ANKRD26: variants seen among roughly 807,000 people sequenced by gnomAD.
ANKRD26 encodes the protein ankyrin repeat domain 26.
In ANKRD26, 141 loss-of-function variants were observed where a neutral mutation model predicts 208.7. That is an observed-to-expected ratio of 0.68 (90% CI 0.59 to 0.78). The LOEUF is 0.78. ANKRD26 is among the 30% of genes least tolerant of loss of function. ANKRD26 has a pLI of 0.00. For missense variants in ANKRD26, 1,889 were observed against 1,938.7 expected (o/e 0.97, Z 0.48); for synonymous variants, 636 against 660.4 (o/e 0.96, Z 0.57).
chr10:27,011,494 C>A (rs756407338), intron 32 of ANKRD26, among the ~76,000 whole-genome samples: 37 of 149,194 alleles, frequency 2.5e-4, no homozygotes, highest in Non-Finnish European at 5.1e-4. Flanking sequence ...TAAACTGGAT[C>A]AAGCATAGTT....
intron 17 of ANKRD26, among the ~76,000 whole-genome samples, 169 bp from the exon 18 acceptor site, chr10:27,046,692 T>A (rs1041712735): frequency 3.9e-5 from 6 of 152,084 alleles, no homozygotes; most frequent in Non-Finnish European, 8.8e-5. Context: ...ATTCCAACAT[T>A]TCCCCCATCT....
At chr10:27,038,108 C>A in intron 21 of ANKRD26, 54 bp from the exon 22 acceptor site, 1 of 1,461,600 alleles carries the variant, frequency 6.8e-7, no homozygotes, top group African/African-American at 1.4e-5. Context: ...ATAAAAAGTT[C>A]ATTGTGTGAT....
At chr10:26,956,106 T>G in the ANKRD26 span, among the ~76,000 whole-genome samples, 1 of 152,222 alleles carries the variant, frequency 6.6e-6, no homozygotes, top group African/African-American at 2.4e-5. Flanking sequence ...CTTAAAGTGG[T>G]CTTACAAGGA....
chr10:27,082,714 A>G, intron 6 of ANKRD26, 89 bp downstream of exon 6: 1 of 1,482,982 alleles, frequency 6.7e-7, no homozygotes, highest in Non-Finnish European at 9.0e-7. Flanking sequence ...AGAAGCACAT[A>G]ATATGGTGTC....
chr10:26,950,173 T>C, the ANKRD26 span, among the ~76,000 whole-genome samples: 2 of 152,208 alleles, frequency 1.3e-5, no homozygotes, highest in African/African-American at 4.8e-5. Flanking sequence ...GATTGGATCA[T>C]GGGAGCAGTT....
In ANKRD26 at chr10:27,074,310, T is replaced by A. The variant is rs74977835; in HGVS notation, c.1077+3028A>T. On this transcript the variant is annotated intron_variant, in intron 9 of 33. Transcript: ENST00000376087. ...ACAATTCAGGATCTTAATGAAAAAT[T>A]TTCTAAAGAGAAAGATATTTTAAAG... is the stretch of plus-strand genomic sequence containing the variant. Among the ~76,000 whole-genome samples, 365 of 152,262 alleles carry A rather than the reference T, an allele frequency of 2.4e-3. 2 individuals are homozygous for A. Among genetic ancestry groups the A allele is most frequent in the African/African-American group, 8.3e-3 (346 of 41,538 alleles).
chr10:26,976,278 G>A (rs2052225763), intron 5 of ANKRD26, among the ~76,000 whole-genome samples: 1 of 151,920 alleles, frequency 6.6e-6, no homozygotes, highest in African/African-American at 2.4e-5. Context: ...GCAGTGGGGT[G>A]ATCTCGGCTC....
intron 33 of ANKRD26, 147 bp downstream of exon 33, chr10:27,006,770 C>T (rs1440212289): frequency 7.7e-6 from 5 of 649,760 alleles, no homozygotes; most frequent in Non-Finnish European, 1.1e-5. Context: ...CATGTTTTCA[C>T]ATCTTTCATT....
chr10:27,071,830 T>A (rs2135535119), intron 9 of ANKRD26, among the ~76,000 whole-genome samples: 1 of 152,266 alleles, frequency 6.6e-6, no homozygotes, highest in East Asian at 1.9e-4. Flanking sequence ...CCCCCCGCGC[T>A]GGAGCTGACT....
intron 16 of ANKRD26, 62 bp from the exon 17 acceptor site, chr10:27,049,041 T>C (rs1396748886): frequency 2.9e-6 from 4 of 1,363,646 alleles, no homozygotes; most frequent in Non-Finnish European, 4.0e-6. Context: ...ATTTCTTTGT[T>C]TTCATTGAGT....
At chr10:27,096,004 C>A (rs574833874) in intron 1 of ANKRD26, among the ~76,000 whole-genome samples, 5 of 148,366 alleles carry the variant, frequency 3.4e-5, no homozygotes, top group African/African-American at 1.2e-4. Flanking sequence ...AGCTCTCATA[C>A]TTGACCAGAG....
In ANKRD26 at chr10:27,043,792, T is replaced by C. The variant is rs549247436; in HGVS notation, c.2020-225A>G. ...TTCTCTTTTTTTTAATTTCATGTTT[T>C]TGTTTTTGTTTTTTTTTGACATCGG... is the stretch of plus-strand genomic sequence containing the variant. On this transcript the variant is annotated intron_variant, in intron 19 of 33. Coordinates refer to ENST00000376087, the MANE Select transcript of ANKRD26 (RefSeq NM_014915.3). 3.9e-5 allele frequency among the ~76,000 whole-genome samples: 6 copies of C among 152,200 alleles called. No individual in the cohort carries two copies. The East Asian group carries it at 7.7e-4, about 20-fold the overall frequency.
rs750585972 is a variant in ANKRD26 at position 27,060,429 on chromosome 10, T to C, written c.1492-12A>G. The C allele has an allele frequency of 6.2e-7, 1 of 1,605,100 alleles. No homozygotes were observed. Among genetic ancestry groups the C allele is most frequent in the Non-Finnish European group, 8.5e-7 (1 of 1,172,240 alleles). Reference sequence around the variant, plus strand: ...ATTTCAATGGTAGGCTGAATGGGTTTTGAAACAAAATGATTAATAAATAAT... The same window carrying C: ...ATTTCAATGGTAGGCTGAATGGGTTCTGAAACAAAATGATTAATAAATAAT... On this transcript the variant is annotated splice_polypyrimidine_tract_variant and intron_variant, in intron 14 of 33. Coordinates refer to ENST00000376087, the MANE Select transcript of ANKRD26 (RefSeq NM_014915.3).
In ANKRD26 at chr10:27,064,043, AG is replaced by A. The variant is rs2055156215; in HGVS notation, c.1307del (p.Pro436LeufsTer2). The part of the protein sequence containing the change: ...SENFPQKYVD[P>X]LAGAADGKEK... Reference sequence around the variant, plus strand: ...CTTTTCCGTCTGCAGCCCCAGCTAAAGGATCAACATACTTCTGTGGAAAATT... The same window carrying A: ...CTTTTCCGTCTGCAGCCCCAGCTAAAGATCAACATACTTCTGTGGAAAATT... On this transcript the variant is annotated frameshift_variant, in exon 12 of 34. Coordinates refer to ENST00000376087, the MANE Select transcript of ANKRD26 (RefSeq NM_014915.3). LOFTEE classifies it high-confidence loss of function. 6.2e-7 allele frequency: 1 copy of A among 1,611,626 alleles called. No individual in the cohort carries two copies. The highest frequency in any genetic ancestry group is 2.2e-5 in the East Asian group (1 of 44,818).
rs1163194623 is a variant in ANKRD26, at chr10:27,046,505, T to G, written c.1833A>C (p.Gln611His). The change falls in exon 18 of 34, where the codon CAA (glutamine) becomes CAC (histidine). Residue 611 changes from glutamine to histidine, a missense_variant. Gln to His is a conservative substitution (Grantham distance 24). This residue lies in a region of ANKRD26 where 1,272 missense variants were observed against 1,273.8 expected (regional missense o/e 1.00). Coordinates refer to ENST00000376087, the MANE Select transcript of ANKRD26 (RefSeq NM_014915.3). ...TTTCAGTGCTCTTTACTTCCTTCAT[T>G]TGCAAGGCAGGACCACTACTTTAAA... is the stretch of plus-strand genomic sequence containing the variant. ...KEYASSGPAL[Q>H]MKEVKSTEKE... is the part of the protein sequence containing the mutation. 1 of 1,613,670 alleles carries G rather than the reference T, an allele frequency of 6.2e-7. No individual in the cohort carries two copies. The highest frequency in any genetic ancestry group is 8.5e-7 in the Non-Finnish European group (1 of 1,179,984).
At chr10:27,023,626 T>C (rs1156449285) in intron 28 of ANKRD26, among the ~76,000 whole-genome samples, 1 of 151,742 alleles carries the variant, frequency 6.6e-6, no homozygotes, top group Non-Finnish European at 1.5e-5. Flanking sequence ...TCAGAAGAGA[T>C]CCAGAAATCT....
chr10:26,993,917 C>T (rs2052533623), intron 5 of ANKRD26, among the ~76,000 whole-genome samples: 1 of 152,136 alleles, frequency 6.6e-6, no homozygotes, highest in African/African-American at 2.4e-5. Flanking sequence ...CAGTGGGTGG[C>T]AGTGGCAAGG....
chr10:27,099,818 G>T (rs761318366), intron 1 of ANKRD26, among the ~76,000 whole-genome samples: 3 of 152,146 alleles, frequency 2.0e-5, no homozygotes, highest in Non-Finnish European at 4.4e-5. Flanking sequence ...CGCTGTACGT[G>T]CTTTTGTTCG....
intron 5 of ANKRD26, among the ~76,000 whole-genome samples, chr10:27,083,345 T>G (rs1235414843): frequency 6.6e-6 from 1 of 151,818 alleles, no homozygotes; most frequent in African/African-American, 2.4e-5. Flanking sequence ...CCATGCACTC[T>G]TAATGTTATT....
Sources: gnomAD v4.1 joint callset for allele counts (sites outside exome capture counted in the v4.1 genomes callset) on GRCh38, gnomAD v4.1.1 for gene constraint, gnomAD v4.1.1 regional missense constraint, MANE v1.5 for transcripts, NCBI Gene and HGNC (gene_info 2026-07-23, HGNC 2026-07-21) for gene names.